Variants in PRELID2 observed in about 807,000 individuals in gnomAD.
PRELID2 encodes the protein PRELI domain-containing protein 2.
A neutral mutation model predicts 28.4 loss-of-function variants in PRELID2; 25 were observed. The observed-to-expected ratio is 0.88, with a 90% CI of 0.64 to 1.23. The LOEUF (loss-of-function observed/expected upper bound fraction) is 1.23. PRELID2 is among the 50% of genes most tolerant of loss of function. The pLI, the probability that PRELID2 is intolerant of heterozygous loss-of-function variation, is 0.00. For synonymous variants in PRELID2, 76 were observed against 71.6 expected (o/e 1.06, Z -0.31); for missense variants, 201 against 214.4 (o/e 0.94, Z 0.39).
the PRELID2 span, among the ~76,000 whole-genome samples, chr5:145,292,740 C>T: frequency 1.3e-5 from 2 of 152,162 alleles, no homozygotes; most frequent in African/African-American, 4.8e-5. Flanking sequence ...CAGGGTCTCT[C>T]TCTATCATCC....
intron 1 of PRELID2, among the ~76,000 whole-genome samples, chr5:145,589,361 A>G (rs1753195753): frequency 6.6e-6 from 1 of 152,160 alleles, no homozygotes; most frequent in Non-Finnish European, 1.5e-5. Context: ...AATACTTTTG[A>G]TATACATTCC....
At chr5:145,728,380 T>C (rs75514814) in intron 1 of PRELID2, 4 of 425,338 alleles carry the variant, frequency 9.4e-6, no homozygotes, top group Non-Finnish European at 1.7e-5. Context: ...AAACCTTTTT[T>C]ATGGCCCTGG....
the PRELID2 span, among the ~76,000 whole-genome samples, chr5:145,292,608 G>A: frequency 1.3e-5 from 2 of 152,254 alleles, no homozygotes; most frequent in Non-Finnish European, 2.9e-5. Flanking sequence ...ACGTAAGGGT[G>A]GACCAGGGGC....
intron 5 of PRELID2, among the ~76,000 whole-genome samples, chr5:145,789,200 G>C (rs1292838177): frequency 6.6e-6 from 1 of 152,038 alleles, no homozygotes; most frequent in Non-Finnish European, 1.5e-5. Flanking sequence ...CAGTAATCTT[G>C]AGTAAAAAGA....
intron 1 of PRELID2, among the ~76,000 whole-genome samples, chr5:145,639,433 T>C (rs58512050): frequency 0.023 from 3,573 of 152,318 alleles, 132 homozygotes; most frequent in African/African-American, 0.078. Context: ...TGGAATCTTC[T>C]TATTAAAATG....
At position 145,563,241 on chromosome 5, in the gene PRELID2, G is replaced by C. The variant is rs138398188; in HGVS notation, n.71-89926C>G. Among the ~76,000 whole-genome samples, 374 of 152,290 alleles carry C rather than the reference G, an allele frequency of 2.5e-3. 4 individuals are homozygous for C. Among genetic ancestry groups the C allele is most frequent in the African/African-American group, 7.9e-3 (330 of 41,570 alleles). On this transcript the variant is annotated intron_variant and non_coding_transcript_variant, in intron 1 of 2. Transcript: ENST00000510259. ...TTTGTACAAGGATTTCTAATTCTTT[G>C]AATGATGCTAGCCAGGAACTGTGGG...
intron 5 of PRELID2, among the ~76,000 whole-genome samples, chr5:145,772,038 T>C (rs1758140318): frequency 6.6e-6 from 1 of 152,218 alleles, no homozygotes; most frequent in Admixed American, 6.5e-5. Context: ...TATGCAACTT[T>C]TAATCTGATG....
intron 1 of PRELID2, among the ~76,000 whole-genome samples, chr5:145,823,984 G>T (rs923831028): frequency 6.6e-6 from 1 of 152,104 alleles, no homozygotes; most frequent in African/African-American, 2.4e-5. Context: ...AATGAATAGT[G>T]TATCTGGGGG....
chr5:145,630,260 G>A (rs1355665557), intron 1 of PRELID2, among the ~76,000 whole-genome samples: 3 of 152,022 alleles, frequency 2.0e-5, no homozygotes, highest in African/African-American at 4.8e-5. Flanking sequence ...GTGGGTAAGT[G>A]GAGGACAATG....
At chr5:145,408,262 A>T in the PRELID2 span, among the ~76,000 whole-genome samples, 4 of 151,976 alleles carry the variant, frequency 2.6e-5, no homozygotes, top group Non-Finnish European at 5.9e-5. Context: ...CCCTTAAAAG[A>T]TCACACTAGC....
intron 1 of PRELID2, among the ~76,000 whole-genome samples, chr5:145,741,059 A>C (rs1214576606): frequency 1.7e-5 from 2 of 118,412 alleles, no homozygotes; most frequent in African/African-American, 6.8e-5. Flanking sequence ...TAAAATATGT[A>C]TATTATATAT....
chr5:145,559,248 C>T (rs1752906329), intron 1 of PRELID2, among the ~76,000 whole-genome samples: 1 of 147,238 alleles, frequency 6.8e-6, no homozygotes, highest in African/African-American at 2.5e-5. Context: ...AGCGAGACTT[C>T]ATCTCAAAAG....
intron 4 of PRELID2, among the ~76,000 whole-genome samples, chr5:145,808,817 A>G (rs1753727028): frequency 6.6e-6 from 1 of 152,016 alleles, no homozygotes; most frequent in African/African-American, 2.4e-5. Flanking sequence ...CCCGAAGTTC[A>G]AGGCTGCAGT....
chr5:145,610,254 C>A (rs1753593642), intron 1 of PRELID2, among the ~76,000 whole-genome samples: 2 of 152,152 alleles, frequency 1.3e-5, no homozygotes, highest in South Asian at 4.1e-4. Flanking sequence ...TAGTGGCCAG[C>A]TTTGCTCCTC....
chr5:145,353,195 T>TG, the PRELID2 span, among the ~76,000 whole-genome samples: 1 of 152,168 alleles, frequency 6.6e-6, no homozygotes, highest in Admixed American at 6.6e-5. Flanking sequence ...TGATGGCTCA[T>TG]GCCTATAATC....
At chr5:145,429,709 TATG>T in the PRELID2 span, among the ~76,000 whole-genome samples, 1 of 151,760 alleles carries the variant, frequency 6.6e-6, no homozygotes, top group Non-Finnish European at 1.5e-5. Context: ...GTACCAGAAA[TATG>T]ATATCAAGAA....
At chr5:145,373,326 AATATACG>A in the PRELID2 span, among the ~76,000 whole-genome samples, 11 of 103,630 alleles carry the variant, frequency 1.1e-4, no homozygotes, top group South Asian at 3.1e-4. Flanking sequence ...CAACATATAT[AATATACG>A]ATATATATTA....
Position 145,823,106 on chromosome 5 carries a change from A to T in PRELID2, c.104T>A (p.Ile35Asn), listed in dbSNP as rs373338548. 2 of 1,537,006 alleles carry T rather than the reference A, an allele frequency of 1.3e-6. No individual in the cohort carries two copies. The highest frequency in any genetic ancestry group is 2.7e-5 in the African/African-American group (2 of 73,282). The part of the protein sequence containing the change: ...KYPNPMDKNV[I>N]SVKIMEEKRD... ...TTTTTCCTCCATGATTTTTACTGAG[A>T]TGACATTTTTATCCATGGGGTTGGG... The change falls in exon 2 of 7, where the codon ATC (isoleucine) becomes AAC (asparagine). Residue 35 changes from isoleucine (I) to asparagine (N), a missense_variant. Ile to Asn is a moderately radical substitution (Grantham distance 149). Transcript: ENST00000683046.
chr5:145,813,321 C>T (rs532131345), intron 4 of PRELID2, among the ~76,000 whole-genome samples: 204 of 152,276 alleles, frequency 1.3e-3, no homozygotes, highest in Non-Finnish European at 2.3e-3. Flanking sequence ...CATCCCATTA[C>T]CCATTCATTT....
Sources: allele counts gnomAD v4.1 joint callset (sites outside exome capture counted in the v4.1 genomes callset), GRCh38; gene constraint gnomAD v4.1.1; transcripts MANE v1.5; gene names NCBI Gene and HGNC (gene_info 2026-07-23, HGNC 2026-07-21).